Variants in IQSEC2 observed in about 807,000 individuals in gnomAD.
IQSEC2 encodes IQ motif and Sec7 domain ArfGEF 2, also known as IQ motif and SEC7 domain-containing protein 2.
In IQSEC2, 6 loss-of-function variants were observed where a neutral mutation model predicts 74.6. That is an observed-to-expected ratio of 0.08 (90% CI 0.04 to 0.16). IQSEC2 has a LOEUF of 0.16. Ranked by LOEUF, IQSEC2 falls within the 10% of genes least tolerant of loss-of-function variation. IQSEC2 has a pLI of 1.00. For synonymous variants in IQSEC2, 494 were observed against 544.5 expected (o/e 0.91, Z 1.29); for missense variants, 734 against 1,306.2 (o/e 0.56, Z 6.75).
At chrX:53,282,460 C>T (rs1346287454) in intron 2 of IQSEC2, among the ~76,000 whole-genome samples, 6 of 112,710 alleles carry the variant, frequency 5.3e-5, no homozygotes, top group African/African-American at 1.6e-4. Context: ...CTGAGAATAC[C>T]ACAGGTCCAG....
At chrX:53,291,950 C>A (rs782098372) in intron 1 of IQSEC2, 26 bp from the exon 2 acceptor site, 31 of 1,156,514 alleles carry the variant, frequency 2.7e-5, no homozygotes, top group South Asian at 1.1e-4. Flanking sequence ...AGAAAAAAAA[C>A]CAAAACGGTC....
rs782403112 is a variant in IQSEC2, at chrX:53,280,062, G to A, written c.737+11833C>T. Among the ~76,000 whole-genome samples, 5 of 109,953 alleles carry A rather than the reference G, an allele frequency of 4.5e-5. No individual in the cohort carries two copies. In the East Asian group the frequency reaches 1.2e-3, roughly 26 times the overall value. On this transcript the variant is annotated intron_variant, in intron 2 of 14. Coordinates refer to ENST00000642864, the MANE Select transcript of IQSEC2 (RefSeq NM_001111125.3). ...GGGGCAGTAGAGACGAAAGAGCCGG[G>A]CTGGGCCTCCTGTGTTCCAGGTGAC...
Position 53,233,836 on chromosome X carries a change from G to A in IQSEC2, c.*383C>T. ...TTCACCCCGACAGCTCCGGACACCT[G>A]CCCTTCTCCGCCAGCCAGAGCTCAC... On this transcript the variant is annotated 3_prime_UTR_variant, in exon 15 of 15. Coordinates refer to ENST00000642864, the MANE Select transcript of IQSEC2 (RefSeq NM_001111125.3). 2 of 298,043 alleles carry A rather than the reference G, an allele frequency of 6.7e-6. No individual in the cohort carries two copies. The highest frequency in any genetic ancestry group is 1.2e-4 in the Admixed American group (2 of 16,535). 24.6% of individuals were successfully genotyped at this position (298,043 alleles called of 1,213,427 possible).
At chrX:53,255,269 A>G (rs377753067) in intron 3 of IQSEC2, among the ~76,000 whole-genome samples, 31 of 110,417 alleles carry the variant, frequency 2.8e-4, no homozygotes, top group African/African-American at 1.0e-3. Flanking sequence ...AGAAAGGAGA[A>G]GGAGAGAGGG....
At position 53,275,728 on chromosome X, in the gene IQSEC2, CTTTTT is replaced by C. The variant is rs1219701474; in HGVS notation, c.737+16162_737+16166del. Among the ~76,000 whole-genome samples, 28 of 81,687 alleles carry C rather than the reference CTTTTT, an allele frequency of 3.4e-4. 1 individual carries two copies. The East Asian group carries it at 0.011, about 32-fold the overall frequency. 70.9% of individuals were successfully genotyped at this position (81,687 alleles called of 115,157 possible). On this transcript the variant is annotated intron_variant, in intron 2 of 14. Transcript: ENST00000642864. ...AACAGAACAACAAGTTGCCCTCATT[CTTTTT>C]TTTTTTTTTTTTTTTGAGACTGAGA...
chrX:53,294,501 G>T (rs1245205597), intron 1 of IQSEC2, among the ~76,000 whole-genome samples: 1 of 112,512 alleles, frequency 8.9e-6, no homozygotes, highest in Non-Finnish European at 1.9e-5. Flanking sequence ...GTATAGACTG[G>T]TAGAAAGAAT....
At chrX:53,288,024 A>G (rs1481272654) in intron 2 of IQSEC2, among the ~76,000 whole-genome samples, 1 of 111,527 alleles carries the variant, frequency 9.0e-6, no homozygotes, top group African/African-American at 3.3e-5. Context: ...GTCTGCAGCA[A>G]CCCCAGACTG....
In IQSEC2 at chrX:53,254,627, G is replaced by A. The variant is rs782802294; in HGVS notation, c.1304C>T (p.Ser435Phe). 2 of 1,202,290 alleles carry A rather than the reference G, an allele frequency of 1.7e-6. No individual in the cohort carries two copies. Among genetic ancestry groups the A allele is most frequent in the Non-Finnish European group, 2.2e-6 (2 of 890,592 alleles). The stretch of plus-strand genomic sequence containing the variant: ...ACCACCATCGATGCCCCCACCACAG[G>A]AGCCTCCATATGGGAGCCCCCGTTC... ...RLERGLPYGG[S>F]CGGGIDGGGS... The change falls in exon 4 of 15, where the codon TCC (serine) becomes TTC (phenylalanine). Residue 435 changes from serine to phenylalanine, a missense_variant. This residue lies in a region of IQSEC2 where 204 missense variants were observed against 305.4 expected (regional missense o/e 0.67). Transcript: ENST00000642864.
intron 4 of IQSEC2, among the ~76,000 whole-genome samples, 187 bp downstream of exon 4, chrX:53,254,343 A>G (rs868944003): frequency 9.2e-6 from 1 of 109,085 alleles, no homozygotes; most frequent in African/African-American, 3.5e-5. Context: ...AAAAAAAAAA[A>G]AAAAAGGTAA....
chrX:53,294,268 C>A (rs960425749), intron 1 of IQSEC2, among the ~76,000 whole-genome samples: 1 of 112,611 alleles, frequency 8.9e-6, no homozygotes, highest in African/African-American at 3.2e-5. Flanking sequence ...GCGGGGAATT[C>A]GCCAATTCTC....
chrX:53,313,377 T>C (rs782079791), intron 1 of IQSEC2, among the ~76,000 whole-genome samples: 1 of 112,136 alleles, frequency 8.9e-6, no homozygotes, highest in Non-Finnish European at 1.9e-5. Context: ...AGTCCTTCCA[T>C]GGCACCACAC....
intron 1 of IQSEC2, among the ~76,000 whole-genome samples, chrX:53,307,885 TAAAAA>T (rs782356115): frequency 2.6e-5 from 1 of 38,147 alleles, no homozygotes. Context: ...AGGCCCTGTC[TAAAAA>T]AAAAAAAAAA....
chrX:53,311,179 G>A (rs1556877986), intron 1 of IQSEC2, among the ~76,000 whole-genome samples: 1 of 100,359 alleles, frequency 1.0e-5, no homozygotes, highest in East Asian at 3.2e-4. Flanking sequence ...ATTCATACTA[G>A]GGTGACTCTT....
intron 1 of IQSEC2, among the ~76,000 whole-genome samples, chrX:53,293,640 G>A (rs918736612): frequency 1.8e-5 from 2 of 110,848 alleles, no homozygotes; most frequent in Non-Finnish European, 3.8e-5. Context: ...CTCTGCTCTA[G>A]GCAGACCGAT....
chrX:53,301,677 T>C (rs993342301), intron 1 of IQSEC2, among the ~76,000 whole-genome samples: 4 of 111,725 alleles, frequency 3.6e-5, no homozygotes, highest in African/African-American at 9.8e-5. Context: ...AGGCTCCATA[T>C]GAACTATGGG....
At chrX:53,243,541 C>T in intron 8 of IQSEC2, 70 bp from the exon 9 acceptor site, 1 of 1,100,083 alleles carries the variant, frequency 9.1e-7, no homozygotes. Context: ...TGCTCCACCA[C>T]CCCCACACCC....
chrX:53,247,108 G>A lies in IQSEC2; in HGVS notation c.2610C>T (p.Ala870=). The change falls in exon 8 of 15, where the codon GCC becomes GCT. Residue 870 remains alanine, a synonymous_variant. Transcript: ENST00000642864. ...FSQRYCVCNP[A]LVRQFRNPDT... is the part of the protein sequence containing the mutation. ...CTGGGTTCCGGAACTGGCGCACGAG[G>A]GCTGGGTTACAGACACAGTACCGCT... 8.3e-7 allele frequency: 1 copy of A among 1,211,107 alleles called. No homozygotes were observed. Among genetic ancestry groups the A allele is most frequent in the Non-Finnish European group, 1.1e-6 (1 of 895,251 alleles).
chrX:53,276,859 A>G (rs1428468305), intron 2 of IQSEC2, among the ~76,000 whole-genome samples: 2 of 112,563 alleles, frequency 1.8e-5, no homozygotes, highest in Non-Finnish European at 3.8e-5. Flanking sequence ...TAATATCTTA[A>G]TACAATAAAT....
At chrX:53,246,601 T>C (rs1361371202) in intron 8 of IQSEC2, among the ~76,000 whole-genome samples, 4 of 111,391 alleles carry the variant, frequency 3.6e-5, no homozygotes, top group Non-Finnish European at 7.5e-5. Flanking sequence ...CTAAAATAAT[T>C]AAATGAGTCC....
Sources: allele counts gnomAD v4.1 joint callset (sites outside exome capture counted in the v4.1 genomes callset), GRCh38; gene constraint gnomAD v4.1.1; regional missense constraint gnomAD v4.1.1; transcripts MANE v1.5; gene names NCBI Gene and HGNC (gene_info 2026-07-23, HGNC 2026-07-21).